The following SPOCK3 variants were observed in gnomAD, a reference collection of about 807,000 sequenced individuals.
SPOCK3 encodes the protein testican-3.
A neutral mutation model predicts 56.6 loss-of-function variants in SPOCK3; 30 were observed. The ratio of observed to expected loss-of-function variants is 0.53; its 90% CI spans 0.40 to 0.72. SPOCK3 has a LOEUF of 0.72. Among genes scored for constraint, SPOCK3 ranks in the 30% least tolerant of loss-of-function variants. The pLI, the probability that SPOCK3 is intolerant of heterozygous loss-of-function variation, is 0.00. For missense variants in SPOCK3, 527 were observed against 530.0 expected, an observed-to-expected ratio of 0.99 and a Z score of 0.06; for synonymous variants, 196 against 183.3, an observed-to-expected ratio of 1.07 and a Z score of -0.56.
intron 6 of SPOCK3, among the ~76,000 whole-genome samples, chr4:166,814,905 G>A (rs1318487862): frequency 1.3e-5 from 2 of 152,004 alleles, no homozygotes; most frequent in African/African-American, 4.8e-5. Context: ...AATGTAAAAA[G>A]ACTGCATGGT....
chr4:167,163,232 A>C (rs1765478633), intron 2 of SPOCK3, among the ~76,000 whole-genome samples: 1 of 150,622 alleles, frequency 6.6e-6, no homozygotes, highest in South Asian at 2.1e-4. Context: ...ATATGAGAAA[A>C]TGTCACTACA....
rs150506376 is a variant in SPOCK3, at chr4:166,812,750, C to T, written c.590-20461G>A. Among the ~76,000 whole-genome samples the T allele has an allele frequency of 8.0e-4, 121 of 151,920 alleles. 1 individual carries two copies. The East Asian group carries it at 9.3e-3, about 12-fold the overall frequency. On this transcript the variant is annotated intron_variant, in intron 6 of 10. Transcript: ENST00000357545. ...ATCAGATCATAATTCTTCACTGGGA[C>T]GAATTAAATTTATTATTTAAAAGTC...
chr4:166,871,132 T>C (rs1295927583), intron 6 of SPOCK3, among the ~76,000 whole-genome samples: 5 of 151,924 alleles, frequency 3.3e-5, no homozygotes, highest in Non-Finnish European at 7.4e-5. Context: ...AATGGACTAA[T>C]ACAATTCCAC....
chr4:167,007,842 C>T (rs1749610586), intron 3 of SPOCK3, among the ~76,000 whole-genome samples: 1 of 152,046 alleles, frequency 6.6e-6, no homozygotes, highest in Non-Finnish European at 1.5e-5. Flanking sequence ...GGTGACAGGA[C>T]AGTGTTTAAT....
intron 4 of SPOCK3, 127 bp from the exon 5 acceptor site, chr4:166,912,870 C>T: frequency 5.5e-6 from 4 of 724,428 alleles, no homozygotes; most frequent in Non-Finnish European, 8.3e-6. Context: ...AAACTATTCT[C>T]ATTTTTAATT....
intron 3 of SPOCK3, among the ~76,000 whole-genome samples, chr4:167,029,724 T>A (rs963944616): frequency 2.6e-5 from 4 of 152,074 alleles, no homozygotes; most frequent in Non-Finnish European, 5.9e-5. Context: ...TATTTGCTGT[T>A]CTTCAATAAG....
intron 7 of SPOCK3, among the ~76,000 whole-genome samples, chr4:166,781,664 A>C (rs946580623): frequency 6.6e-6 from 1 of 152,180 alleles, no homozygotes; most frequent in African/African-American, 2.4e-5. Flanking sequence ...TAAGAATCTT[A>C]GAGAACACTA....
intron 2 of SPOCK3, among the ~76,000 whole-genome samples, chr4:167,108,406 A>C (rs750662939): frequency 6.6e-6 from 1 of 151,956 alleles, no homozygotes; most frequent in Non-Finnish European, 1.5e-5. Context: ...AAGCAATCTA[A>C]GTGTACATCA....
chr4:166,739,708 T>TG (rs1734631043), intron 9 of SPOCK3, among the ~76,000 whole-genome samples: 1 of 151,316 alleles, frequency 6.6e-6, no homozygotes, highest in Non-Finnish European at 1.5e-5. Context: ...TTCTGACTTT[T>TG]TTTTTTTCTG....
chr4:167,076,811 A>T (rs1055285767), intron 2 of SPOCK3, among the ~76,000 whole-genome samples: 3 of 151,926 alleles, frequency 2.0e-5, no homozygotes, highest in Non-Finnish European at 4.4e-5. Context: ...AGAAAATAAA[A>T]AAGATGTGAT....
intron 7 of SPOCK3, among the ~76,000 whole-genome samples, chr4:166,755,669 T>C (rs1289398630): frequency 6.6e-6 from 1 of 152,058 alleles, no homozygotes; most frequent in East Asian, 1.9e-4. Flanking sequence ...ATTGGAGACA[T>C]GGGGACTTAT....
intron 2 of SPOCK3, among the ~76,000 whole-genome samples, chr4:167,217,310 GA>G (rs1338056344): frequency 1.3e-5 from 2 of 151,404 alleles, no homozygotes; most frequent in Non-Finnish European, 2.9e-5. Flanking sequence ...AAATACCGAG[GA>G]AAAAAAGAAT....
intron 6 of SPOCK3, among the ~76,000 whole-genome samples, chr4:166,824,729 G>T (rs771494464): frequency 6.6e-6 from 1 of 152,028 alleles, no homozygotes; most frequent in Non-Finnish European, 1.5e-5. Context: ...AAAATAGAAA[G>T]AATCTTCACT....
intron 3 of SPOCK3, among the ~76,000 whole-genome samples, chr4:167,027,199 C>T (rs1460943795): frequency 6.6e-6 from 1 of 151,942 alleles, no homozygotes; most frequent in Non-Finnish European, 1.5e-5. Flanking sequence ...TGAAAAATTT[C>T]TTCACACAGT....
intron 4 of SPOCK3, among the ~76,000 whole-genome samples, chr4:166,931,535 G>A (rs1739778837): frequency 6.6e-6 from 1 of 151,942 alleles, no homozygotes. Flanking sequence ...AGAGATTTAT[G>A]CATATCTTAA....
intron 2 of SPOCK3, among the ~76,000 whole-genome samples, chr4:167,108,995 T>TATAAATATATACTTATATATAA (rs3082380): frequency 7.4e-5 from 1 of 13,438 alleles, no homozygotes; most frequent in Non-Finnish European, 1.3e-4. Context: ...TATATATTTA[T>TATAAATATATACTTATATATAA]ATATATATAA....
intron 6 of SPOCK3, among the ~76,000 whole-genome samples, chr4:166,884,047 C>T (rs1011216264): frequency 2.0e-5 from 3 of 152,080 alleles, no homozygotes; most frequent in African/African-American, 7.2e-5. Context: ...ACATACATGG[C>T]TACATATCCC....
At chr4:166,837,045 A>T (rs929317073) in intron 6 of SPOCK3, among the ~76,000 whole-genome samples, 4 of 152,172 alleles carry the variant, frequency 2.6e-5, no homozygotes, top group African/African-American at 9.7e-5. Context: ...ACCTGTTGCA[A>T]TGGCACCTCT....
At chr4:167,184,006 C>T (rs560657439) in intron 2 of SPOCK3, among the ~76,000 whole-genome samples, 92 of 152,254 alleles carry the variant, frequency 6.0e-4, no homozygotes, top group African/African-American at 2.2e-3. Context: ...TACCAAGATG[C>T]TAATAAATCA....
Sources: allele counts gnomAD v4.1 joint callset (sites outside exome capture counted in the v4.1 genomes callset), GRCh38; gene constraint gnomAD v4.1.1; transcripts MANE v1.5; gene names NCBI Gene and HGNC (gene_info 2026-07-23, HGNC 2026-07-21).